The following SMARCA2 variants were observed in gnomAD, a reference collection of about 807,000 sequenced individuals.
SMARCA2 encodes SWI/SNF-related matrix-associated actin-dependent regulator of chromatin subfamily A member 2.
SMARCA2 carries 61 observed loss-of-function variants against 199.8 expected under a neutral mutation model. The ratio of observed to expected loss-of-function variants is 0.31; its 90% CI spans 0.25 to 0.38. SMARCA2 has a LOEUF of 0.38. Among genes scored for constraint, SMARCA2 ranks in the 10% least tolerant of loss-of-function variants. The pLI is 1.00. For synonymous variants in SMARCA2, 935 were observed against 732.0 expected, an observed-to-expected ratio of 1.28 and a Z score of -4.48; for missense variants, 1,344 against 2,012.2, an observed-to-expected ratio of 0.67 and a Z score of 6.35.
At chr9:2,070,566 C>A (rs892766557) in intron 10 of SMARCA2, 95 bp downstream of exon 10, 1 of 852,406 alleles carries the variant, frequency 1.2e-6, no homozygotes, top group Non-Finnish European at 1.9e-6. Context: ...TTTATTCTTA[C>A]TGTGCTATTT....
rs1238133036 is a variant in SMARCA2, at chr9:2,187,436, CTGAGGCAGAAGGATAGCT to C, written c.4594+1215_4594+1232del. Among the ~76,000 whole-genome samples the C allele has an allele frequency of 3.9e-5, 6 of 152,252 alleles. No individual in the cohort carries two copies. The East Asian group carries it at 9.6e-4, about 24-fold the overall frequency. The stretch of plus-strand genomic sequence containing the variant: ...AATATAATCCGAGCACTCTGGGAGG[CTGAGGCAGAAGGATAGCT>C]TGAGGCTAGGAGTTCAAGACCAGCC... On this transcript the variant is annotated intron_variant, in intron 32 of 33. Coordinates refer to ENST00000349721, the MANE Select transcript of SMARCA2 (RefSeq NM_003070.5).
intron 27 of SMARCA2, among the ~76,000 whole-genome samples, chr9:2,151,601 G>GT (rs1434191573): frequency 1.3e-5 from 2 of 152,038 alleles, no homozygotes; most frequent in Admixed American, 1.3e-4. Context: ...GGGCCCAGTG[G>GT]TGCCTGCCTG....
intron 1 of SMARCA2, among the ~76,000 whole-genome samples, chr9:2,023,447 GA>G (rs1410414761): frequency 6.6e-6 from 1 of 152,182 alleles, no homozygotes; most frequent in Non-Finnish European, 1.5e-5. Context: ...AAACGAATGG[GA>G]AAGTGTTGTG....
At chr9:2,134,853 A>G (rs993316330) in intron 27 of SMARCA2, among the ~76,000 whole-genome samples, 1 of 152,196 alleles carries the variant, frequency 6.6e-6, no homozygotes, top group Non-Finnish European at 1.5e-5. Context: ...GCAATCTGCA[A>G]GCTGTAAGAG....
intron 3 of SMARCA2, among the ~76,000 whole-genome samples, chr9:2,034,242 C>CAAAAAAAAAAAAAAAAAAAAAAAAA (rs759792374): frequency 1.6e-5 from 1 of 64,134 alleles, no homozygotes. Context: ...GACTGCGTCT[C>CAAAAAAAAAAAAAAAAAAAAAAAAA]AAAAAAAAAA....
At chr9:2,073,379 G>T in intron 11 of SMARCA2, 37 bp downstream of exon 11, 7 of 1,611,440 alleles carry the variant, frequency 4.3e-6, no homozygotes, top group Non-Finnish European at 5.9e-6. Context: ...TGTTCTTTTA[G>T]CTTTTTAGAT....
chr9:2,123,047 C>G lies in SMARCA2; in HGVS notation c.3763-672C>G, dbSNP rs62534949. On this transcript the variant is annotated intron_variant, in intron 26 of 33. Transcript: ENST00000349721. This position sits in a 1 kb window ranked among gnomAD's most constrained non-coding sequence, Gnocchi z 4.1. ...TGGGATGCGATTACCTCTGAGCTCT[C>G]TCTGTCTGTGGTATAATATATTCAT... Among the ~76,000 whole-genome samples the G allele has an allele frequency of 6.6e-6, 1 of 152,180 alleles. No homozygotes were observed. Among genetic ancestry groups the G allele is most frequent in the African/African-American group, 2.4e-5 (1 of 41,432 alleles).
chr9:2,072,536 G>A lies in SMARCA2; in HGVS notation c.1747-676G>A, dbSNP rs1051952779. 7.2e-5 allele frequency among the ~76,000 whole-genome samples: 11 copies of A among 152,192 alleles called. No individual in the cohort carries two copies. The South Asian group carries it at 1.2e-3, about 17-fold the overall frequency. On this transcript the variant is annotated intron_variant, in intron 10 of 33. Transcript: ENST00000349721. Reference sequence around the variant, plus strand: ...GGGTTAGTTTTGGAAAAAGGACACCGGTTCTGCAGAGACCAAACCAGCCAC... The same window carrying A: ...GGGTTAGTTTTGGAAAAAGGACACCAGTTCTGCAGAGACCAAACCAGCCAC...
chr9:2,081,139 T>C (rs1237806711), intron 14 of SMARCA2, among the ~76,000 whole-genome samples: 7 of 152,176 alleles, frequency 4.6e-5, no homozygotes, highest in African/African-American at 9.6e-5. Context: ...GAATTGTTGG[T>C]TGGGGGATGG....
intron 32 of SMARCA2, among the ~76,000 whole-genome samples, chr9:2,191,036 C>T (rs377615638): frequency 6.6e-6 from 1 of 152,198 alleles, no homozygotes; most frequent in African/African-American, 2.4e-5. Context: ...CTCGGTCCCT[C>T]TTGTTGCCTG....
At chr9:2,192,064 T>G (rs1827924769) in intron 33 of SMARCA2, 1 of 154,844 alleles carries the variant, frequency 6.5e-6, no homozygotes, top group South Asian at 2.0e-4. Flanking sequence ...GAGGTGGAAT[T>G]CGGACCCGAG....
intron 28 of SMARCA2, among the ~76,000 whole-genome samples, chr9:2,164,467 G>T (rs1041153401): frequency 6.6e-6 from 1 of 152,150 alleles, no homozygotes; most frequent in African/African-American, 2.4e-5. Flanking sequence ...CCAGAAATGG[G>T]ATTCATTACT....
intron 27 of SMARCA2, among the ~76,000 whole-genome samples, chr9:2,131,269 T>C (rs1283032501): frequency 6.6e-6 from 1 of 152,208 alleles, no homozygotes; most frequent in African/African-American, 2.4e-5. Context: ...TGCTGTTGTC[T>C]CTTGTTACCT....
chr9:2,161,473 A>G lies in SMARCA2; in HGVS notation c.3982-213A>G, dbSNP rs1295271292. ...TTTGGGCCTTCAGTGTGTTTTGCTCATGAAACAGACTTGAGTTAAAGATGC... is the reference window on the plus strand; with the variant it reads ...TTTGGGCCTTCAGTGTGTTTTGCTCGTGAAACAGACTTGAGTTAAAGATGC... On this transcript the variant is annotated intron_variant, in intron 27 of 33. Transcript: ENST00000349721. The surrounding 1 kb of genome is among the most constrained non-coding windows in gnomAD (Gnocchi z 4.7). 6.6e-6 allele frequency among the ~76,000 whole-genome samples: 1 copy of G among 152,218 alleles called. No individual in the cohort carries two copies.
At chr9:2,019,059 T>G (rs765501738) in intron 1 of SMARCA2, among the ~76,000 whole-genome samples, 3 of 152,042 alleles carry the variant, frequency 2.0e-5, no homozygotes, top group Non-Finnish European at 4.4e-5. Context: ...TTCTTTACAA[T>G]GCAAATGTTT....
At chr9:2,083,532 T>C (rs1328798838) in intron 16 of SMARCA2, 119 bp downstream of exon 16, 2 of 599,290 alleles carry the variant, frequency 3.3e-6, no homozygotes, top group Admixed American at 6.0e-5. Context: ...ATGTACATCA[T>C]GTACTAAACC....
At chr9:2,106,050 G>C (rs866250669) in intron 23 of SMARCA2, among the ~76,000 whole-genome samples, 25 of 152,180 alleles carry the variant, frequency 1.6e-4, no homozygotes, top group African/African-American at 6.0e-4. Context: ...AACATGTATG[G>C]AACACCGCTC....
chr9:2,183,037 C>T (rs1336803019), intron 31 of SMARCA2, among the ~76,000 whole-genome samples: 1 of 151,956 alleles, frequency 6.6e-6, no homozygotes, highest in Admixed American at 6.5e-5. Flanking sequence ...GTGATCTGCC[C>T]ACCTCAGCCT....
At position 2,039,920 on chromosome 9, in the gene SMARCA2, A is replaced by G. The variant is rs1563725343; in HGVS notation, c.790+20A>G. The G allele has an allele frequency of 1.2e-6, 2 of 1,611,220 alleles. No individual in the cohort carries two copies. The highest frequency in any genetic ancestry group is 2.2e-5 in the East Asian group (1 of 44,858). On this transcript the variant is annotated intron_variant, in intron 4 of 33. Coordinates refer to ENST00000349721, the MANE Select transcript of SMARCA2 (RefSeq NM_003070.5). The surrounding 1 kb of genome is among the most constrained non-coding windows in gnomAD (Gnocchi z 4.8). ...CATCTGGTAGGTTAATACGCAACCA[A>G]ATGAATAATGCCATGGTCCAACTCG...
Sources: gnomAD v4.1 joint callset for allele counts (sites outside exome capture counted in the v4.1 genomes callset) on GRCh38, gnomAD v4.1.1 for gene constraint, Gnocchi (gnomAD v3.1) non-coding constraint, MANE v1.5 for transcripts, NCBI Gene and HGNC (gene_info 2026-07-23, HGNC 2026-07-21) for gene names.